Variants in IFFO2 observed in about 807,000 individuals in gnomAD.
IFFO2 encodes the protein intermediate filament family orphan 2.
In IFFO2, 19 loss-of-function variants were observed where a neutral mutation model predicts 53.5. The ratio of observed to expected loss-of-function variants is 0.36; its 90% CI spans 0.25 to 0.52. The LOEUF is 0.52. Ranked by LOEUF, IFFO2 falls within the 20% of genes least tolerant of loss-of-function variation. The pLI is 0.94. For missense variants in IFFO2, 570 were observed against 727.4 expected (o/e 0.78, Z 2.49); for synonymous variants, 303 against 313.6 (o/e 0.97, Z 0.36).
chr1:18,931,524 A>T (rs930236729), intron 1 of IFFO2, among the ~76,000 whole-genome samples: 2 of 151,778 alleles, frequency 1.3e-5, no homozygotes, highest in African/African-American at 4.8e-5. Context: ...CCAGTCCTGA[A>T]CCCACTCCTT....
chr1:18,953,724 G>A (rs994464097), intron 1 of IFFO2, among the ~76,000 whole-genome samples: 11 of 152,110 alleles, frequency 7.2e-5, no homozygotes, highest in African/African-American at 1.7e-4. Context: ...AGAGACGCCC[G>A]CACTCCACCT....
chr1:18,943,379 TA>T (rs890092447), intron 1 of IFFO2, among the ~76,000 whole-genome samples: 38 of 151,724 alleles, frequency 2.5e-4, no homozygotes, highest in Non-Finnish European at 4.6e-4. Flanking sequence ...GACCCTGTCT[TA>T]AAAAAAATGT....
chr1:18,913,826 T>TTG (rs1557638605), intron 5 of IFFO2, among the ~76,000 whole-genome samples: 1 of 148,274 alleles, frequency 6.7e-6, no homozygotes, highest in African/African-American at 2.6e-5. Flanking sequence ...TGTTGTTGTT[T>TTG]TTTTGTTTGT....
chr1:18,948,747 G>A (rs993213561), intron 1 of IFFO2, among the ~76,000 whole-genome samples: 3 of 152,198 alleles, frequency 2.0e-5, no homozygotes, highest in African/African-American at 7.2e-5. Flanking sequence ...AAGGGCACGG[G>A]ACACCCTCTC....
chr1:18,922,978 C>T (rs921097206), intron 1 of IFFO2, among the ~76,000 whole-genome samples: 8 of 152,062 alleles, frequency 5.3e-5, no homozygotes, highest in Admixed American at 5.2e-4. Flanking sequence ...GCATCTGGGG[C>T]TTCTCTGGGG....
In IFFO2 at chr1:18,917,790, C is replaced by T. The variant is rs553751147; in HGVS notation, c.963+572G>A. Among the ~76,000 whole-genome samples, 13 of 152,050 alleles carry T rather than the reference C, an allele frequency of 8.5e-5. No homozygotes were observed. The highest frequency in any genetic ancestry group is 2.1e-4 in the South Asian group (1 of 4,810). ...CCTCTCTGGAAGACAGCCTCACTGG[C>T]GCTAACCTGATCGCCGTCTCTCGGG... On this transcript the variant is annotated intron_variant, in intron 4 of 8. Transcript: ENST00000455833. This position sits in a 1 kb window ranked among gnomAD's most constrained non-coding sequence, Gnocchi z 5.9.
In IFFO2 at chr1:18,908,175, G is replaced by C. The variant is rs1441290423; in HGVS notation, c.*386C>G. ...GACGGCAGAAACCACATTACACCAC[G>C]GCCGGTTGGCCCGGCCCTCAGCTTA... is the stretch of plus-strand genomic sequence containing the variant. On this transcript the variant is annotated 3_prime_UTR_variant, in exon 9 of 9. Transcript: ENST00000455833. The C allele has an allele frequency of 4.4e-6, 1 of 225,258 alleles. No homozygotes were observed. The highest frequency in any genetic ancestry group is 9.2e-6 in the Non-Finnish European group (1 of 109,234). 14.0% of individuals were successfully genotyped at this position (225,258 alleles called of 1,614,324 possible). A position where few individuals can be genotyped will look rare whatever the true frequency, so the allele number is the denominator to read the frequency against.
At chr1:18,929,342 C>T (rs1414922205) in intron 1 of IFFO2, among the ~76,000 whole-genome samples, 1 of 152,170 alleles carries the variant, frequency 6.6e-6, no homozygotes, top group Non-Finnish European at 1.5e-5. Context: ...TGGCTCTACC[C>T]ACCTGGGGGA....
rs1428197117 is a variant in IFFO2, at chr1:18,919,364, C to T, written c.822+314G>A. Among the ~76,000 whole-genome samples the T allele has an allele frequency of 6.6e-6, 1 of 152,204 alleles. No individual in the cohort carries two copies. The highest frequency in any genetic ancestry group is 2.4e-5 in the African/African-American group (1 of 41,446). On this transcript the variant is annotated intron_variant, in intron 3 of 8. Transcript: ENST00000455833. The surrounding 1 kb of genome is among the most constrained non-coding windows in gnomAD (Gnocchi z 4.9). ...CTACGCCCAGACACCGAGGCCTGCC[C>T]TCATCAAGGCGAGCTGGGAAGGAGT... is the stretch of plus-strand genomic sequence containing the variant.
intron 1 of IFFO2, among the ~76,000 whole-genome samples, chr1:18,949,608 A>T (rs1032671127): frequency 5.3e-5 from 8 of 152,264 alleles, no homozygotes; most frequent in African/African-American, 1.9e-4. Flanking sequence ...TCACTGACAC[A>T]TGGCACAGTT....
At chr1:18,946,785 C>T (rs1453389037) in intron 1 of IFFO2, among the ~76,000 whole-genome samples, 1 of 152,142 alleles carries the variant, frequency 6.6e-6, no homozygotes, top group African/African-American at 2.4e-5. Flanking sequence ...GTTTTAGCAT[C>T]TCTAAAATGG....
chr1:18,927,430 C>A (rs1009138040), intron 1 of IFFO2, among the ~76,000 whole-genome samples: 5 of 152,236 alleles, frequency 3.3e-5, no homozygotes, highest in African/African-American at 4.8e-5. Context: ...CAGCTTCCTT[C>A]CCGGCGGGTG....
intron 1 of IFFO2, among the ~76,000 whole-genome samples, chr1:18,955,075 A>T (rs925943178): frequency 5.3e-5 from 8 of 152,254 alleles, no homozygotes; most frequent in Non-Finnish European, 1.0e-4. Flanking sequence ...GGGTAGGGGC[A>T]GATCCATCCA....
chr1:18,942,294 C>T (rs998859993), intron 1 of IFFO2, among the ~76,000 whole-genome samples: 1 of 152,188 alleles, frequency 6.6e-6, no homozygotes. Context: ...TTCATTCCCC[C>T]ACAAAGACTA....
chr1:18,914,693 T>A (rs531849268), intron 5 of IFFO2, among the ~76,000 whole-genome samples: 89 of 151,952 alleles, frequency 5.9e-4, no homozygotes, highest in African/African-American at 2.1e-3. Flanking sequence ...TGTGGTGGTG[T>A]GTGCCTGTAG....
chr1:18,932,912 C>A (rs1936397463), intron 1 of IFFO2, among the ~76,000 whole-genome samples: 1 of 152,206 alleles, frequency 6.6e-6, no homozygotes, highest in Non-Finnish European at 1.5e-5. Context: ...AGACCTGGCA[C>A]CAAGAGAGCC....
At chr1:18,914,286 G>T (rs1936098567) in intron 5 of IFFO2, among the ~76,000 whole-genome samples, 1 of 152,160 alleles carries the variant, frequency 6.6e-6, no homozygotes, top group African/African-American at 2.4e-5. Flanking sequence ...CTTTGCCCAT[G>T]GGGCCCCCTG....
chr1:18,932,659 A>G (rs1482271096), intron 1 of IFFO2, among the ~76,000 whole-genome samples: 2 of 152,230 alleles, frequency 1.3e-5, no homozygotes, highest in African/African-American at 2.4e-5. Context: ...GATGGAAGCT[A>G]TGATTAGTCA....
intron 1 of IFFO2, among the ~76,000 whole-genome samples, chr1:18,923,207 G>T (rs1414989737): frequency 6.6e-6 from 1 of 152,216 alleles, no homozygotes; most frequent in Non-Finnish European, 1.5e-5. Context: ...ATAAAGAATG[G>T]CATGGCTCCT....
Sources: allele counts gnomAD v4.1 joint callset (sites outside exome capture counted in the v4.1 genomes callset), GRCh38; gene constraint gnomAD v4.1.1; non-coding constraint Gnocchi (gnomAD v3.1); transcripts MANE v1.5; gene names NCBI Gene and HGNC (gene_info 2026-07-23, HGNC 2026-07-21).